The following NEGR1 variants were observed in gnomAD, a reference collection of about 807,000 sequenced individuals.
NEGR1 encodes IgLON family member 4.
In NEGR1, 10 loss-of-function variants were observed where a neutral mutation model predicts 40.9. The observed-to-expected ratio is 0.24, with a 90% confidence interval of 0.15 to 0.42. NEGR1 has a LOEUF of 0.42. Among genes scored for constraint, NEGR1 ranks in the 10% least tolerant of loss-of-function variants. The pLI is 1.00. For synonymous variants in NEGR1, 185 were observed against 166.8 expected, an observed-to-expected ratio of 1.11 and a Z score of -0.84; for missense variants, 352 against 438.9, an observed-to-expected ratio of 0.80 and a Z score of 1.77.
At chr1:72,168,297 C>A (rs933017040) in intron 1 of NEGR1, among the ~76,000 whole-genome samples, 5 of 152,072 alleles carry the variant, frequency 3.3e-5, no homozygotes, top group Non-Finnish European at 5.9e-5. Context: ...AACCACAAAA[C>A]CTGGCCAGGT....
chr1:71,522,575 G>A (rs980564083), intron 6 of NEGR1, among the ~76,000 whole-genome samples: 1 of 151,838 alleles, frequency 6.6e-6, no homozygotes, highest in Non-Finnish European at 1.5e-5. Flanking sequence ...CATCATTTCT[G>A]CTTGGTAGCA....
Position 71,914,521 on chromosome 1 carries a change from G to A in NEGR1, c.409+20558C>T, listed in dbSNP as rs117419260. Among the ~76,000 whole-genome samples the A allele has an allele frequency of 6.4e-4, 98 of 152,166 alleles. 1 individual carries two copies. The East Asian group carries it at 0.016, about 24-fold the overall frequency. On this transcript the variant is annotated intron_variant, in intron 2 of 6. Transcript: ENST00000357731. ...ATCATCCCACTTTTCATATGATTTC[G>A]AGTTTGGTGCTATCATTTGCTGTTG...
rs57576840 is a variant in NEGR1 at position 71,780,040 on chromosome 1, CA to C, written c.410-3744del. ...GTGCTAAGCACTTGCATAGGAAAAC[CA>C]AAAAAAAAAAAAAAAAAAAAAAAAA... On this transcript the variant is annotated intron_variant, in intron 2 of 6. Transcript: ENST00000357731. 8.1e-3 allele frequency among the ~76,000 whole-genome samples: 806 copies of C among 99,462 alleles called. 1 individual carries two copies. Among genetic ancestry groups the C allele is most frequent in the African/African-American group, 0.034 (718 of 20,998 alleles). The allele number at this position is 99,462 out of a possible 152,430, so 65.3% of individuals were successfully genotyped here.
intron 6 of NEGR1, among the ~76,000 whole-genome samples, chr1:71,431,809 G>T (rs555544313): frequency 6.6e-6 from 1 of 152,266 alleles, no homozygotes; most frequent in Admixed American, 6.5e-5. Context: ...TTTTATGTAT[G>T]AAAATAAATT....
intron 1 of NEGR1, among the ~76,000 whole-genome samples, chr1:72,078,584 GATATAA>G (rs1647849119): frequency 6.7e-6 from 1 of 148,926 alleles, no homozygotes; most frequent in Admixed American, 6.7e-5. Flanking sequence ...AATTAAAAGT[GATATAA>G]ATATATGTAT....
chr1:71,923,129 G>A (rs1282233600), intron 2 of NEGR1, among the ~76,000 whole-genome samples: 1 of 152,088 alleles, frequency 6.6e-6, no homozygotes, highest in Non-Finnish European at 1.5e-5. Context: ...TGCAGCCCCT[G>A]TTCTGCTCAC....
At chr1:71,692,774 G>A (rs1487930942) in intron 4 of NEGR1, among the ~76,000 whole-genome samples, 2 of 151,770 alleles carry the variant, frequency 1.3e-5, no homozygotes, top group African/African-American at 4.8e-5. Flanking sequence ...TGAATACGTA[G>A]CAGATGCAAA....
intron 4 of NEGR1, among the ~76,000 whole-genome samples, chr1:71,637,687 A>T (rs571273876): frequency 1.8e-4 from 27 of 152,064 alleles, no homozygotes; most frequent in South Asian, 1.2e-3. Flanking sequence ...ATATTTCTCT[A>T]AAACCATGAG....
intron 2 of NEGR1, among the ~76,000 whole-genome samples, chr1:71,899,959 C>T (rs546775795): frequency 2.8e-4 from 42 of 152,224 alleles, no homozygotes; most frequent in Non-Finnish European, 3.8e-4. Flanking sequence ...TGGGAATATT[C>T]GCCAAGAGTT....
chr1:72,185,464 C>T (rs983778619), intron 1 of NEGR1, among the ~76,000 whole-genome samples: 1 of 151,750 alleles, frequency 6.6e-6, no homozygotes. Context: ...ATTCCTTGTG[C>T]AGAGTCTGAA....
intron 1 of NEGR1, among the ~76,000 whole-genome samples, chr1:72,214,018 C>A (rs1360656907): frequency 6.6e-6 from 1 of 151,998 alleles, no homozygotes; most frequent in East Asian, 1.9e-4. Flanking sequence ...TGATCCACCA[C>A]AATCAAGTCA....
chr1:72,022,612 C>T (rs1398056910), intron 1 of NEGR1, among the ~76,000 whole-genome samples: 1 of 151,290 alleles, frequency 6.6e-6, no homozygotes, highest in Non-Finnish European at 1.5e-5. Flanking sequence ...TAAAAGGCTA[C>T]AATAGATATT....
At chr1:72,181,532 A>G (rs186587836) in intron 1 of NEGR1, among the ~76,000 whole-genome samples, 95 of 152,248 alleles carry the variant, frequency 6.2e-4, no homozygotes, top group Non-Finnish European at 7.5e-4. Flanking sequence ...CAAACATAGA[A>G]CCACCATATG....
intron 1 of NEGR1, among the ~76,000 whole-genome samples, chr1:72,120,561 C>T (rs1017603626): frequency 6.6e-6 from 1 of 151,568 alleles, no homozygotes; most frequent in African/African-American, 2.4e-5. Context: ...GCACATTGTG[C>T]AGGTTAGTTA....
chr1:71,754,747 A>T lies in NEGR1; in HGVS notation c.535+21425T>A, dbSNP rs578168868. 2.0e-5 allele frequency among the ~76,000 whole-genome samples: 3 copies of T among 152,188 alleles called. No homozygotes were observed. In the South Asian group the frequency reaches 6.2e-4, roughly 32 times the overall value. ...ATCTCCATGCTGCTAAATATAATAGACACTTTTCCATATATCTTATTCTAT... is the reference window on the plus strand; with the variant it reads ...ATCTCCATGCTGCTAAATATAATAGTCACTTTTCCATATATCTTATTCTAT... On this transcript the variant is annotated intron_variant, in intron 3 of 6. Transcript: ENST00000357731.
chr1:71,806,134 T>A (rs1025559388), intron 2 of NEGR1, among the ~76,000 whole-genome samples: 1 of 152,128 alleles, frequency 6.6e-6, no homozygotes, highest in Admixed American at 6.5e-5. Flanking sequence ...AAACCTTTGC[T>A]TTTTCCATTG....
intron 1 of NEGR1, among the ~76,000 whole-genome samples, chr1:72,250,230 C>T (rs768084046): frequency 2.0e-5 from 3 of 152,002 alleles, no homozygotes; most frequent in Non-Finnish European, 2.9e-5. Context: ...AAGACAATTC[C>T]TTAAATTGTT....
chr1:72,031,861 C>G (rs1237786185), intron 1 of NEGR1, among the ~76,000 whole-genome samples: 2 of 152,078 alleles, frequency 1.3e-5, no homozygotes, highest in Non-Finnish European at 2.9e-5. Context: ...TTCTGTACCA[C>G]TGGGAATATT....
In NEGR1 at chr1:72,106,387, C is replaced by G. The variant is rs146330843; in HGVS notation, c.177-171076G>C. Among the ~76,000 whole-genome samples, 738 of 152,122 alleles carry G rather than the reference C, an allele frequency of 4.9e-3. 9 individuals carry two copies. The highest frequency in any genetic ancestry group is 0.017 in the African/African-American group (717 of 41,542). On this transcript the variant is annotated intron_variant, in intron 1 of 6. Transcript: ENST00000357731. The stretch of plus-strand genomic sequence containing the variant: ...AGGGACATGCAAAATGAAAATTTCA[C>G]TGTCCACTTCCCCAAAGTTCTTTGT...
Sources: gnomAD v4.1 joint callset for allele counts (sites outside exome capture counted in the v4.1 genomes callset) on GRCh38, gnomAD v4.1.1 for gene constraint, MANE v1.5 for transcripts, NCBI Gene and HGNC (gene_info 2026-07-23, HGNC 2026-07-21) for gene names.